Variants in YJU2 observed in about 807,000 individuals in gnomAD.
The protein encoded by YJU2 is splicing factor YJU2.
In YJU2, 28 loss-of-function variants were observed where a neutral mutation model predicts 39.6. That is an observed-to-expected ratio of 0.71 (90% CI 0.52 to 0.97). YJU2 has a LOEUF of 0.97. Ranked by LOEUF, YJU2 falls within the 50% of genes least tolerant of loss-of-function variation. The probability of loss-of-function intolerance (pLI) is 0.00; values close to 1 mark genes in which losing one functional copy is unlikely to be tolerated. For synonymous variants in YJU2, 184 were observed against 182.4 expected (o/e 1.01, Z -0.07); for missense variants, 328 against 430.4 (o/e 0.76, Z 2.11).
At chr19:4,259,136 G>T (rs1376123157) in intron 5 of YJU2, among the ~76,000 whole-genome samples, 1 of 145,464 alleles carries the variant, frequency 6.9e-6, no homozygotes, top group African/African-American at 2.6e-5. Flanking sequence ...AGGCTGGAGG[G>T]CAGTGGCGCC....
chr19:4,261,353 C>T (rs888155040), intron 5 of YJU2, among the ~76,000 whole-genome samples: 8 of 152,024 alleles, frequency 5.3e-5, no homozygotes, highest in South Asian at 2.1e-4. Flanking sequence ...TAGCTGGACA[C>T]GGTGGTGCGT....
chr19:4,258,462 C>A, intron 5 of YJU2, 39 bp downstream of exon 5: 1 of 1,545,732 alleles, frequency 6.5e-7, no homozygotes, highest in African/African-American at 1.4e-5. Context: ...CACCTCGCAG[C>A]CTCTGCCCCG....
intron 1 of YJU2, among the ~76,000 whole-genome samples, chr19:4,247,642 T>G (rs1239384249): frequency 1.8e-5 from 1 of 54,632 alleles, no homozygotes; most frequent in Non-Finnish European, 3.2e-5. Context: ...TGTGTGTGTG[T>G]GTGTGTGTGT....
rs1387248150 is a variant in YJU2 at position 4,267,810 on chromosome 19, T to C, written c.859+36T>C. 5 of 1,581,544 alleles carry C rather than the reference T, an allele frequency of 3.2e-6. No homozygotes were observed. In the Admixed American group the frequency reaches 7.1e-5, roughly 23 times the overall value. ...AGAGTTCCCAGAGCCGGGCGCGGTT[T>C]CTATAGTGGCCTGTAGGTGGCAGCA... On this transcript the variant is annotated intron_variant, in intron 7 of 7. Coordinates refer to ENST00000262962, the MANE Select transcript of YJU2 (RefSeq NM_018074.6).
intron 1 of YJU2, among the ~76,000 whole-genome samples, chr19:4,248,832 T>A (rs1276092130): frequency 2.0e-5 from 3 of 151,938 alleles, no homozygotes; most frequent in Non-Finnish European, 4.4e-5. Context: ...GGCAGGAGAA[T>A]CGCTTGAACC....
intron 5 of YJU2, among the ~76,000 whole-genome samples, chr19:4,260,153 A>G (rs1197059137): frequency 6.6e-6 from 1 of 152,216 alleles, no homozygotes; most frequent in Non-Finnish European, 1.5e-5. Flanking sequence ...GGCCGGGCGC[A>G]GGGTCTCCTG....
At chr19:4,264,535 G>C (rs1407117521) in intron 6 of YJU2, among the ~76,000 whole-genome samples, 9 of 151,196 alleles carry the variant, frequency 6.0e-5, no homozygotes, top group Non-Finnish European at 1.5e-5. Flanking sequence ...TGCCCAGGCT[G>C]GAGTGCAGTG....
intron 5 of YJU2, among the ~76,000 whole-genome samples, chr19:4,260,468 G>A (rs1240578392): frequency 6.6e-6 from 1 of 151,578 alleles, no homozygotes; most frequent in Non-Finnish European, 1.5e-5. Flanking sequence ...TGCGGTCGGT[G>A]GCTCACGCCC....
In YJU2 at chr19:4,267,602, CAT is replaced by C. The variant is rs746278484; in HGVS notation, c.709-21_709-20del. 5.3e-5 allele frequency: 85 copies of C among 1,609,348 alleles called. No individual in the cohort carries two copies. The highest frequency in any genetic ancestry group is 1.2e-4 in the Admixed American group (7 of 59,852). ...GCCCTGGATCCGGGCCAGACCCCCA[CAT>C]GTGTCCCCATCACCTGCAGGCCCCA... On this transcript the variant is annotated intron_variant, in intron 6 of 7. Coordinates refer to ENST00000262962, the MANE Select transcript of YJU2 (RefSeq NM_018074.6).
At chr19:4,255,173 G>A (rs952024442) in intron 4 of YJU2, among the ~76,000 whole-genome samples, 1 of 151,882 alleles carries the variant, frequency 6.6e-6, no homozygotes, top group African/African-American at 2.4e-5. Context: ...GCAGTGAGCC[G>A]AGATCAAACC....
intron 5 of YJU2, among the ~76,000 whole-genome samples, chr19:4,258,977 G>T (rs746534265): frequency 1.8e-4 from 27 of 151,148 alleles, no homozygotes; most frequent in Non-Finnish European, 3.2e-4. Context: ...AGGGTGGGAG[G>T]CCCCCAGCAC....
Position 4,251,087 on chromosome 19 carries a change from G to A in YJU2, c.186G>A (p.Thr62=), listed in dbSNP as rs1045752. 2,425 of 1,614,132 alleles carry A rather than the reference G, an allele frequency of 1.5e-3. 31 individuals carry two copies. The African/African-American group carries it at 0.028, about 19-fold the overall frequency. ...KGKKFNARKE[T]VQNEVYLGLP... is the part of the protein sequence containing the mutation. ...AGAAATTCAATGCTCGGAAGGAGAC[G>A]GTGCAGAACGAGGTCTACCTGGGCC... Residue 62 remains threonine, a synonymous_variant, in exon 3 of 8, where the codon ACG becomes ACA. Transcript: ENST00000262962.
At chr19:4,250,266 C>G (rs1403144971) in intron 2 of YJU2, among the ~76,000 whole-genome samples, 1 of 152,174 alleles carries the variant, frequency 6.6e-6, no homozygotes. Flanking sequence ...GTTGGCCTGT[C>G]TACTCCTCCC....
intron 6 of YJU2, 144 bp downstream of exon 6, chr19:4,262,258 G>A (rs1971077447): frequency 1.2e-6 from 1 of 830,526 alleles, no homozygotes; most frequent in South Asian, 1.8e-5. Context: ...GAGTGCAGTG[G>A]CACGATCTTG....
chr19:4,267,593 A>C (rs1289947330), intron 6 of YJU2, 31 bp from the exon 7 acceptor site: 1 of 1,605,150 alleles, frequency 6.2e-7, no homozygotes, highest in South Asian at 1.1e-5. Flanking sequence ...GATCCGGGCC[A>C]GACCCCCACA....
intron 5 of YJU2, among the ~76,000 whole-genome samples, chr19:4,259,071 CTTTTTTTTTT>C (rs34728075): frequency 0.024 from 2,203 of 90,218 alleles, 66 homozygotes; most frequent in African/African-American, 0.11. Flanking sequence ...GAACACTTTT[CTTTTTTTTTT>C]TTTTTTTTTT....
intron 2 of YJU2, 81 bp downstream of exon 2, chr19:4,249,409 G>A (rs758550599): frequency 2.4e-5 from 21 of 879,882 alleles, no homozygotes; most frequent in Middle Eastern, 2.2e-4. Context: ...TGACTCGTCC[G>A]GTGTTAAGAC....
intron 6 of YJU2, among the ~76,000 whole-genome samples, chr19:4,264,960 C>A (rs1971104677): frequency 6.6e-6 from 1 of 152,114 alleles, no homozygotes; most frequent in Admixed American, 6.6e-5. Flanking sequence ...AAGCTGTGTC[C>A]TCTGATTAGA....
intron 1 of YJU2, among the ~76,000 whole-genome samples, chr19:4,247,571 GTGGGGTGGCGCGTGTGTGTGTGTGT>G (rs1970930996): frequency 3.4e-5 from 3 of 89,470 alleles, no homozygotes; most frequent in African/African-American, 1.8e-4. Flanking sequence ...GTGGGGTGGG[GTGGGGTGGCGCGTGTGTGTGTGTGT>G]GTGTGTGTGT....
Sources: allele counts gnomAD v4.1 joint callset (sites outside exome capture counted in the v4.1 genomes callset), GRCh38; gene constraint gnomAD v4.1.1; transcripts MANE v1.5; gene names NCBI Gene and HGNC (gene_info 2026-07-23, HGNC 2026-07-21).